Variants in PVT1 observed in about 807,000 individuals in gnomAD.
PVT1 encodes the protein CXCR4/PVT1 fusion.
chr8:127,810,287 A>T (rs531861952), intron 2 of PVT1, among the ~76,000 whole-genome samples: 1 of 152,234 alleles, frequency 6.6e-6, no homozygotes, highest in Non-Finnish European at 1.5e-5. Flanking sequence ...CATTCTCTGC[A>T]TGCTGATCTC....
intron 3 of PVT1, among the ~76,000 whole-genome samples, chr8:127,967,423 G>A (rs1031133669): frequency 6.6e-6 from 1 of 152,232 alleles, no homozygotes; most frequent in Non-Finnish European, 1.5e-5. Context: ...AAGTGGGCTT[G>A]TAATACAATA....
intron 5 of PVT1, among the ~76,000 whole-genome samples, chr8:128,094,223 G>T (rs938884646): frequency 6.6e-6 from 1 of 151,978 alleles, no homozygotes; most frequent in Admixed American, 6.5e-5. Flanking sequence ...TGCACATTAA[G>T]GATTTTTGCT....
intron 4 of PVT1, among the ~76,000 whole-genome samples, chr8:128,018,240 G>T (rs112045258): frequency 0.015 from 2,269 of 152,226 alleles, 54 homozygotes; most frequent in African/African-American, 0.051. Flanking sequence ...ATATTATAAG[G>T]AAAGAAAAAG....
At chr8:127,986,441 G>A (rs1816971447) in intron 3 of PVT1, among the ~76,000 whole-genome samples, 1 of 152,162 alleles carries the variant, frequency 6.6e-6, no homozygotes, top group Admixed American at 6.5e-5. Flanking sequence ...CACATCAGGT[G>A]CAGGGACCTC....
At chr8:127,817,132 T>C (rs1465531525) in intron 2 of PVT1, among the ~76,000 whole-genome samples, 1 of 151,900 alleles carries the variant, frequency 6.6e-6, no homozygotes, top group Non-Finnish European at 1.5e-5. Flanking sequence ...CCTGGGATTG[T>C]AGACTCTCAA....
At chr8:128,061,236 C>T (rs928984778) in intron 4 of PVT1, among the ~76,000 whole-genome samples, 17 of 152,134 alleles carry the variant, frequency 1.1e-4, no homozygotes, top group African/African-American at 3.6e-4. Context: ...AGACGTTTCA[C>T]GTAAATGGAA....
intron 2 of PVT1, among the ~76,000 whole-genome samples, chr8:127,838,692 G>A (rs1405462230): frequency 6.6e-6 from 1 of 152,178 alleles, no homozygotes; most frequent in Non-Finnish European, 1.5e-5. Context: ...TCAACAGAGT[G>A]AGCCTGACTC....
chr8:127,974,844 C>G (rs1468282201), intron 3 of PVT1, among the ~76,000 whole-genome samples: 1 of 152,160 alleles, frequency 6.6e-6, no homozygotes, highest in Non-Finnish European at 1.5e-5. Flanking sequence ...TATGTTTTGT[C>G]TTTACATTAA....
At chr8:127,921,854 G>GT (rs71300279) in intron 3 of PVT1, among the ~76,000 whole-genome samples, 17,637 of 70,988 alleles carry the variant, frequency 0.25, 4,405 homozygotes, top group East Asian at 0.38. Context: ...TTTGGTTCAT[G>GT]TTTTTTTTTT....
At chr8:127,844,783 G>A (rs1287730828) in intron 2 of PVT1, among the ~76,000 whole-genome samples, 1 of 151,676 alleles carries the variant, frequency 6.6e-6, no homozygotes, top group East Asian at 1.9e-4. Context: ...GCACGATCTC[G>A]GCTCACTGCA....
chr8:127,833,220 G>A (rs547170714), intron 2 of PVT1, among the ~76,000 whole-genome samples: 2 of 152,192 alleles, frequency 1.3e-5, no homozygotes, highest in East Asian at 3.9e-4. Flanking sequence ...AGATTCCCTA[G>A]GTAGGTTTTG....
At chr8:127,952,584 G>T (rs1700528870) in intron 3 of PVT1, among the ~76,000 whole-genome samples, 1 of 152,152 alleles carries the variant, frequency 6.6e-6, no homozygotes, top group African/African-American at 2.4e-5. Flanking sequence ...AGAAAGAACT[G>T]GCATGTTTTG....
At chr8:128,034,595 G>A (rs963554677) in intron 4 of PVT1, among the ~76,000 whole-genome samples, 2 of 152,200 alleles carry the variant, frequency 1.3e-5, no homozygotes, top group African/African-American at 4.8e-5. Context: ...CAGCATGGAA[G>A]CTAAACATAC....
intron 2 of PVT1, among the ~76,000 whole-genome samples, chr8:127,887,887 TTTGGAGTCAAACCCAAC>T (rs1292328585): frequency 6.6e-6 from 1 of 151,118 alleles, no homozygotes; most frequent in Non-Finnish European, 1.5e-5. Context: ...AGAAAACAGC[TTTGGAGTCAAACCCAAC>T]TTGGATGCAG....
At chr8:127,949,148 T>C (rs1279505505) in intron 3 of PVT1, among the ~76,000 whole-genome samples, 1 of 152,106 alleles carries the variant, frequency 6.6e-6, no homozygotes, top group Non-Finnish European at 1.5e-5. Context: ...AATTAACCTG[T>C]CCCATGTTAG....
chr8:127,984,846 T>TTTCTTTCC (rs1816928210), intron 3 of PVT1, among the ~76,000 whole-genome samples: 33 of 13,174 alleles, frequency 2.5e-3, no homozygotes, highest in African/African-American at 7.0e-3. Flanking sequence ...CTTTTCTTTC[T>TTTCTTTCC]TTCTTTCTTT....
intron 2 of PVT1, among the ~76,000 whole-genome samples, chr8:127,883,062 T>TCTCA (rs1554594125): frequency 6.8e-6 from 1 of 147,884 alleles, no homozygotes; most frequent in African/African-American, 2.5e-5. Context: ...TGCACACACA[T>TCTCA]CACACACACA....
intron 4 of PVT1, among the ~76,000 whole-genome samples, chr8:128,006,840 C>G (rs899093150): frequency 3.3e-5 from 5 of 152,164 alleles, no homozygotes; most frequent in Admixed American, 3.3e-4. Context: ...ATTGGGATGC[C>G]CTTCAAGTTG....
intron 4 of PVT1, chr8:128,009,480 C>T (rs1817288547): frequency 6.8e-6 from 1 of 147,094 alleles, no homozygotes; most frequent in East Asian, 2.0e-4. Context: ...AACTGTAAAG[C>T]TTTTTTTTTT....
Sources: gnomAD v4.1 joint callset for allele counts (sites outside exome capture counted in the v4.1 genomes callset) on GRCh38, gnomAD v4.1.1 for gene constraint, MANE v1.5 for transcripts, NCBI Gene and HGNC (gene_info 2026-07-23, HGNC 2026-07-21) for gene names.